Variants in TNNI3K observed in about 807,000 individuals in gnomAD.
The protein encoded by TNNI3K is TNNI3 interacting kinase, also known as serine/threonine-protein kinase TNNI3K.
A neutral mutation model predicts 114.5 loss-of-function variants in TNNI3K; 140 were observed. That is an observed-to-expected ratio of 1.22 (90% CI 1.07 to 1.41). TNNI3K has a LOEUF of 1.41. TNNI3K is among the 40% of genes most tolerant of loss of function. The pLI is 0.00. For missense variants in TNNI3K, 1,125 were observed against 1,007.6 expected (o/e 1.12, Z -1.58); for synonymous variants, 347 against 347.5 (o/e 1.00, Z 0.02).
At chr1:74,296,166 C>T (rs546914459) in intron 5 of TNNI3K, among the ~76,000 whole-genome samples, 1 of 152,004 alleles carries the variant, frequency 6.6e-6, no homozygotes, top group Admixed American at 6.5e-5. Context: ...GTCCCAGCTA[C>T]TCTGGAGGCT....
At chr1:74,476,197 G>A (rs1377059324) in intron 21 of TNNI3K, among the ~76,000 whole-genome samples, 1 of 152,016 alleles carries the variant, frequency 6.6e-6, no homozygotes, top group African/African-American at 2.4e-5. Flanking sequence ...AGACTGCCTG[G>A]TACTGTCATT....
intron 17 of TNNI3K, among the ~76,000 whole-genome samples, chr1:74,388,273 G>A (rs187553654): frequency 7.3e-5 from 11 of 151,256 alleles, no homozygotes; most frequent in South Asian, 2.1e-4. Context: ...GCAAGATTCC[G>A]TCACAAAAAA....
At chr1:74,342,501 A>G (rs1660796063) in intron 7 of TNNI3K, among the ~76,000 whole-genome samples, 1 of 152,092 alleles carries the variant, frequency 6.6e-6, no homozygotes, top group African/African-American at 2.4e-5. Context: ...AGATAGAAAA[A>G]CAATCAATTT....
At chr1:74,379,513 CATA>C in intron 17 of TNNI3K, among the ~76,000 whole-genome samples, 1 of 152,212 alleles carries the variant, frequency 6.6e-6, no homozygotes, top group Non-Finnish European at 1.5e-5. Flanking sequence ...GGTGTCCAGT[CATA>C]ATTTCTATCC....
At chr1:74,543,443 A>G (rs942384662) in intron 24 of TNNI3K, among the ~76,000 whole-genome samples, 9 of 152,128 alleles carry the variant, frequency 5.9e-5, no homozygotes, top group African/African-American at 1.4e-4. Flanking sequence ...AGACAGTGCT[A>G]ATTGTCTTAG....
rs778397151 is a variant in TNNI3K at position 74,439,586 on chromosome 1, C to G, written c.1975C>G (p.Leu659Val). The G allele has an allele frequency of 2.5e-6, 4 of 1,613,376 alleles. No homozygotes were observed. The African/African-American group carries it at 5.3e-5, about 22-fold the overall frequency. ...CTATGCTCTGTGTCTGTGGGAAATT[C>G]TCACTGGCGAAATTCCATTCGCTCA... is the stretch of plus-strand genomic sequence containing the variant. ...FSYALCLWEI[L>V]TGEIPFAHLK... The change falls in exon 20 of 25, where the codon CTC becomes GTC. Residue 659 changes from leucine to valine, a missense_variant. Leu to Val is a conservative substitution (Grantham distance 32, BLOSUM62 1). Transcript: ENST00000326637.
At chr1:74,375,823 G>C (rs1005153845) in intron 17 of TNNI3K, 1 of 257,450 alleles carries the variant, frequency 3.9e-6, no homozygotes, top group Non-Finnish European at 8.2e-6. Flanking sequence ...CTGGCTGTGC[G>C]TGAATTAAAC....
intron 5 of TNNI3K, among the ~76,000 whole-genome samples, chr1:74,326,150 A>G (rs773784528): frequency 7.2e-5 from 11 of 152,190 alleles, no homozygotes; most frequent in African/African-American, 1.2e-4. Flanking sequence ...AGCAAAGAAA[A>G]ATTTAATTTC....
At chr1:74,332,353 T>C (rs1431634925) in intron 6 of TNNI3K, among the ~76,000 whole-genome samples, 3 of 151,410 alleles carry the variant, frequency 2.0e-5, no homozygotes, top group Admixed American at 1.3e-4. Flanking sequence ...CAGGCTGGAG[T>C]GCAGTGGCTC....
Position 74,369,263 on chromosome 1 carries a change from C to G in TNNI3K, c.1471C>G (p.Arg491Gly). ...RCRNKIVAIKRYRANTYCSKS... is the reference protein window; with the variant it reads ...RCRNKIVAIKGYRANTYCSKS... ...CAGAAATAAAATAGTGGCTATAAAA[C>G]GGTAAGCAAGCAAATGAAAAAATTT... The change falls in exon 15 of 25, where the codon CGT (arginine) becomes GGT (glycine). Residue 491 changes from arginine to glycine, a missense_variant and splice_region_variant. Physicochemically the swap from Arg to Gly is moderately radical, Grantham distance 125. Transcript: ENST00000326637. 1 of 1,611,884 alleles carries G rather than the reference C, an allele frequency of 6.2e-7. No individual in the cohort carries two copies. The highest frequency in any genetic ancestry group is 1.1e-5 in the South Asian group (1 of 90,832).
intron 23 of TNNI3K, among the ~76,000 whole-genome samples, chr1:74,529,644 T>C (rs1332037312): frequency 6.6e-6 from 1 of 152,260 alleles, no homozygotes; most frequent in Non-Finnish European, 1.5e-5. Context: ...ATTTTGGAAA[T>C]ACACTAAAGT....
chr1:74,412,635 G>T (rs1256671860), intron 17 of TNNI3K, among the ~76,000 whole-genome samples: 1 of 152,022 alleles, frequency 6.6e-6, no homozygotes, highest in African/African-American at 2.4e-5. Flanking sequence ...TTCTTTTTGA[G>T]ATGGAGTCTC....
intron 20 of TNNI3K, among the ~76,000 whole-genome samples, chr1:74,456,739 C>T (rs1398446027): frequency 6.6e-6 from 1 of 152,144 alleles, no homozygotes; most frequent in African/African-American, 2.4e-5. Flanking sequence ...ATGCCAGGCT[C>T]TTAGTAGTCT....
In TNNI3K at chr1:74,544,029, G is replaced by A. The variant is rs746842129; in HGVS notation, c.*47G>A. On this transcript the variant is annotated 3_prime_UTR_variant, in exon 25 of 25. Transcript: ENST00000326637. ...GGAGAGTTTTTTCCCCGAACTGACA[G>A]CAACGATTCCAACCACGGCAAGCTG... The A allele has an allele frequency of 6.3e-7, 1 of 1,585,132 alleles. No homozygotes were observed. Among genetic ancestry groups the A allele is most frequent in the Admixed American group, 1.8e-5 (1 of 55,196 alleles).
chr1:74,475,299 T>C (rs1668139211), intron 21 of TNNI3K: 1 of 649,980 alleles, frequency 1.5e-6, no homozygotes, highest in African/African-American at 1.8e-5. Context: ...ACTCACCTTC[T>C]GTTCTTATTA....
At chr1:74,494,994 GC>G (rs1669254013) in intron 23 of TNNI3K, among the ~76,000 whole-genome samples, 2 of 152,184 alleles carry the variant, frequency 1.3e-5, no homozygotes, top group African/African-American at 4.8e-5. Context: ...AGCTTCTCTA[GC>G]CTTCAAGAAT....
At position 74,344,046 on chromosome 1, in the gene TNNI3K, G is replaced by A. The variant is rs566254857; in HGVS notation, c.932+867G>A. ...CTAAAATTGTATTTGAGGCTAATTT[G>A]TTGTTCACATAATGTTTTTGTATTG... is the stretch of plus-strand genomic sequence containing the variant. On this transcript the variant is annotated intron_variant, in intron 9 of 24. Transcript: ENST00000326637. Among the ~76,000 whole-genome samples, 7 of 152,258 alleles carry A rather than the reference G, an allele frequency of 4.6e-5. No individual in the cohort carries two copies. The East Asian group carries it at 1.4e-3, about 29-fold the overall frequency.
At chr1:74,285,670 G>C (rs999993593) in intron 5 of TNNI3K, among the ~76,000 whole-genome samples, 3 of 152,072 alleles carry the variant, frequency 2.0e-5, no homozygotes, top group African/African-American at 7.2e-5. Flanking sequence ...CCAATATTGT[G>C]ATTTTTGCAT....
rs1406187816 is a variant in TNNI3K at position 74,364,337 on chromosome 1, C to T, written c.1178-2919C>T. On this transcript the variant is annotated intron_variant, in intron 11 of 24. Transcript: ENST00000326637. ...AAGGAATTTTTGGTCTTTAGTACTA[C>T]TTTTATCCTGAGGTTAAAATGGCCA... Among the ~76,000 whole-genome samples the T allele has an allele frequency of 6.6e-5, 10 of 151,846 alleles. 1 individual carries two copies. Among genetic ancestry groups the T allele is most frequent in the African/African-American group, 2.4e-4 (10 of 41,310 alleles).
Sources: allele counts gnomAD v4.1 joint callset (sites outside exome capture counted in the v4.1 genomes callset), GRCh38; gene constraint gnomAD v4.1.1; transcripts MANE v1.5; gene names NCBI Gene and HGNC (gene_info 2026-07-23, HGNC 2026-07-21).